The following SGCZ variants were observed in gnomAD, a reference collection of about 807,000 sequenced individuals.
SGCZ encodes the protein sarcoglycan zeta, also known as zeta-sarcoglycan.
A neutral mutation model predicts 41.3 loss-of-function variants in SGCZ; 40 were observed. The observed-to-expected ratio is 0.97, with a 90% CI of 0.75 to 1.26. The LOEUF (loss-of-function observed/expected upper bound fraction) is 1.26. Among genes scored for constraint, SGCZ ranks in the 50% most tolerant of loss-of-function variants. SGCZ has a pLI of 0.00. For missense variants in SGCZ, 552 were observed against 369.8 expected (o/e 1.49, Z -4.04); for synonymous variants, 206 against 137.5 (o/e 1.50, Z -3.49).
intron 1 of SGCZ, among the ~76,000 whole-genome samples, chr8:15,016,492 G>C (rs1323518057): frequency 6.6e-6 from 1 of 152,168 alleles, no homozygotes; most frequent in Non-Finnish European, 1.5e-5. Context: ...AAAGAGAGAA[G>C]AGACACAAAG....
intron 1 of SGCZ, among the ~76,000 whole-genome samples, chr8:15,150,665 A>G (rs1014833731): frequency 6.6e-6 from 1 of 152,216 alleles, no homozygotes; most frequent in East Asian, 1.9e-4. Context: ...GGCAGAGATG[A>G]GAAAAAATTG....
intron 1 of SGCZ, among the ~76,000 whole-genome samples, chr8:15,012,045 C>T (rs1274541810): frequency 6.6e-6 from 1 of 152,182 alleles, no homozygotes; most frequent in Non-Finnish European, 1.5e-5. Context: ...TGTTTAACTA[C>T]TCAATCGCAT....
At chr8:15,046,795 A>C (rs974996018) in intron 1 of SGCZ, among the ~76,000 whole-genome samples, 1 of 152,054 alleles carries the variant, frequency 6.6e-6, no homozygotes, top group Non-Finnish European at 1.5e-5. Context: ...AATACTGCCA[A>C]AACCAATCTG....
rs144324105 is a variant in SGCZ, at chr8:14,343,111, T to C, written c.235-18907A>G. Among the ~76,000 whole-genome samples the C allele has an allele frequency of 1.7e-3, 264 of 152,326 alleles. 8 individuals carry two copies. The East Asian group carries it at 0.042, about 24-fold the overall frequency. Reference sequence around the variant, plus strand: ...CTACAGGTGCACAGAAGTCAAGAAATGAGGTTTGGACACCTCTGCCTAAAT... The same window carrying C: ...CTACAGGTGCACAGAAGTCAAGAAACGAGGTTTGGACACCTCTGCCTAAAT... On this transcript the variant is annotated intron_variant, in intron 2 of 7. Coordinates refer to ENST00000382080, the MANE Select transcript of SGCZ (RefSeq NM_139167.4).
intron 5 of SGCZ, among the ~76,000 whole-genome samples, chr8:14,119,336 A>G (rs1802621328): frequency 6.6e-6 from 1 of 151,914 alleles, no homozygotes; most frequent in South Asian, 2.1e-4. Context: ...TGTGAATGGG[A>G]GTTGACTCAT....
intron 1 of SGCZ, among the ~76,000 whole-genome samples, chr8:15,191,267 C>T (rs1585657450): frequency 6.6e-6 from 1 of 152,086 alleles, no homozygotes; most frequent in Middle Eastern, 3.4e-3. Context: ...TAAATTTTCG[C>T]ATGATCTAGT....
chr8:14,125,403 C>G (rs1323976252), intron 5 of SGCZ, among the ~76,000 whole-genome samples: 5 of 151,458 alleles, frequency 3.3e-5, no homozygotes, highest in African/African-American at 1.2e-4. Flanking sequence ...ACTTGGGAGG[C>G]TGAGGCAGGA....
At chr8:15,020,731 A>G (rs950842102) in intron 1 of SGCZ, among the ~76,000 whole-genome samples, 1 of 152,208 alleles carries the variant, frequency 6.6e-6, no homozygotes, top group Non-Finnish European at 1.5e-5. Flanking sequence ...TTCACCTGTC[A>G]AGTTCTTAGC....
intron 5 of SGCZ, among the ~76,000 whole-genome samples, chr8:14,124,509 A>G (rs1325810478): frequency 4.6e-5 from 7 of 152,338 alleles, no homozygotes; most frequent in African/African-American, 1.7e-4. Flanking sequence ...AAACTAAAAT[A>G]GTGCTTCTCA....
chr8:14,316,812 G>GGC (rs1801732950), intron 3 of SGCZ, among the ~76,000 whole-genome samples: 1 of 142,394 alleles, frequency 7.0e-6, no homozygotes, highest in Admixed American at 7.1e-5. Flanking sequence ...ATTTATTATA[G>GGC]ACACACACAC....
chr8:14,615,881 C>T (rs916870299), intron 1 of SGCZ, among the ~76,000 whole-genome samples: 2 of 152,134 alleles, frequency 1.3e-5, no homozygotes, highest in African/African-American at 2.4e-5. Flanking sequence ...CTATCCTGGG[C>T]CTATTCTCTC....
chr8:14,933,136 G>T (rs558089265), intron 1 of SGCZ, among the ~76,000 whole-genome samples: 1 of 151,906 alleles, frequency 6.6e-6, no homozygotes, highest in Non-Finnish European at 1.5e-5. Context: ...ATAGTGTTTG[G>T]CTCACTACGT....
At chr8:14,822,287 G>A (rs1019564354) in intron 1 of SGCZ, among the ~76,000 whole-genome samples, 4 of 152,058 alleles carry the variant, frequency 2.6e-5, no homozygotes, top group East Asian at 1.9e-4. Flanking sequence ...CCAAGGAGGT[G>A]AAAGATGTGT....
chr8:14,824,365 T>C (rs1428705490), intron 1 of SGCZ, among the ~76,000 whole-genome samples: 1 of 152,148 alleles, frequency 6.6e-6, no homozygotes, highest in Non-Finnish European at 1.5e-5. Flanking sequence ...ACTCCATAAA[T>C]ATGTACAATT....
chr8:14,403,407 T>G (rs1585461164), intron 2 of SGCZ, among the ~76,000 whole-genome samples: 1 of 151,696 alleles, frequency 6.6e-6, no homozygotes, highest in South Asian at 2.1e-4. Flanking sequence ...GCCCATTCAG[T>G]ATGATATTGG....
chr8:14,659,027 A>T (rs1807665033), intron 1 of SGCZ, among the ~76,000 whole-genome samples: 1 of 152,170 alleles, frequency 6.6e-6, no homozygotes, highest in African/African-American at 2.4e-5. Context: ...TGTGAAAAAA[A>T]CTATGAGCTC....
intron 2 of SGCZ, among the ~76,000 whole-genome samples, chr8:14,364,917 C>A (rs1473086774): frequency 2.6e-5 from 4 of 152,058 alleles, no homozygotes. Context: ...AGAAGTTCCT[C>A]CCCACCCCAA....
At chr8:15,026,390 A>T (rs1015539076) in intron 1 of SGCZ, among the ~76,000 whole-genome samples, 34 of 152,218 alleles carry the variant, frequency 2.2e-4, no homozygotes, top group African/African-American at 8.2e-4. Context: ...AATCATCAAG[A>T]GATTTTGAAA....
At chr8:15,210,004 T>C (rs1386806758) in intron 1 of SGCZ, among the ~76,000 whole-genome samples, 1 of 152,166 alleles carries the variant, frequency 6.6e-6, no homozygotes, top group Non-Finnish European at 1.5e-5. Flanking sequence ...TCATTTCTCT[T>C]CTTTCCCATC....
Sources: gnomAD v4.1 joint callset for allele counts (sites outside exome capture counted in the v4.1 genomes callset) on GRCh38, gnomAD v4.1.1 for gene constraint, MANE v1.5 for transcripts, NCBI Gene and HGNC (gene_info 2026-07-23, HGNC 2026-07-21) for gene names.